REV3L: variants seen among roughly 807,000 people sequenced by gnomAD.
The protein encoded by REV3L is DNA polymerase zeta catalytic subunit.
REV3L carries 69 observed loss-of-function variants against 299.4 expected under a neutral mutation model. That is an observed-to-expected ratio of 0.23 (90% confidence interval 0.19 to 0.28). The LOEUF (loss-of-function observed/expected upper bound fraction) is 0.28, where lower values mean the gene tolerates loss of function less well. Ranked by LOEUF, REV3L falls within the 10% of genes least tolerant of loss-of-function variation. The pLI, the probability that REV3L is intolerant of heterozygous loss-of-function variation, is 1.00. For missense variants in REV3L, 3,128 were observed against 3,693.8 expected (o/e 0.85, Z 3.97); for synonymous variants, 1,238 against 1,271.4 (o/e 0.97, Z 0.56).
rs58366929 is a variant in REV3L, at chr6:111,303,701, C to CTTTT, written c.9253-3549_9253-3546dup. Among the ~76,000 whole-genome samples the CTTTT allele has an allele frequency of 1.5e-3, 19 of 12,640 alleles. 3 individuals carry two copies. The highest frequency in any genetic ancestry group is 1.6e-3 in the Admixed American group (1 of 626). 8.3% of individuals were successfully genotyped at this position (12,640 alleles called of 152,430 possible). ...TTTTTTTTTTTTTAACAGACTATGA[C>CTTTT]TTTTTTTTTTTTTTTTTTTTTTTTT... On this transcript the variant is annotated intron_variant, in intron 31 of 31. Transcript: ENST00000368802.
intron 1 of REV3L, among the ~76,000 whole-genome samples, chr6:111,445,941 T>C (rs567677217): frequency 3.3e-5 from 5 of 152,202 alleles, no homozygotes; most frequent in East Asian, 1.9e-4. Flanking sequence ...GGCTGAAATA[T>C]AAGATTCATG....
chr6:111,363,695 G>A (rs1460422789), intron 16 of REV3L, among the ~76,000 whole-genome samples, 158 bp downstream of exon 16: 1 of 152,046 alleles, frequency 6.6e-6, no homozygotes, highest in African/African-American at 2.4e-5. Flanking sequence ...ACATAAACAT[G>A]TAAATATACA....
At chr6:111,306,993 T>A (rs1474487157) in intron 31 of REV3L, among the ~76,000 whole-genome samples, 4 of 151,686 alleles carry the variant, frequency 2.6e-5, no homozygotes, top group African/African-American at 9.7e-5. Context: ...AATGCTCTCA[T>A]GAGCATTCCC....
rs1582735100 is a variant in REV3L at position 111,372,873 on chromosome 6, C to T, written c.5482G>A (p.Glu1828Lys). ...TCTTCACAGGCCACGTCTACAAGTT[C>T]ACCATCAGGGGAGGAGAGTATTGCA... The part of the protein sequence containing the change: ...FTAILSSPDG[E>K]LVDVACEDLE... Residue 1828 changes from glutamate to lysine, a missense_variant, in exon 13 of 32, where the codon GAA becomes AAA. Coordinates refer to ENST00000368802, the MANE Select transcript of REV3L (RefSeq NM_001372078.1). 1 of 1,613,996 alleles carries T rather than the reference C, an allele frequency of 6.2e-7. No individual in the cohort carries two copies. The highest frequency in any genetic ancestry group is 8.5e-7 in the Non-Finnish European group (1 of 1,180,014).
At chr6:111,478,216 C>T (rs1057316460) in intron 1 of REV3L, among the ~76,000 whole-genome samples, 2 of 152,158 alleles carry the variant, frequency 1.3e-5, no homozygotes, top group African/African-American at 2.4e-5. Context: ...TAGAACATGT[C>T]TCCCAATGAA....
At chr6:111,318,629 T>A (rs1017053437) in intron 26 of REV3L, among the ~76,000 whole-genome samples, 2 of 152,130 alleles carry the variant, frequency 1.3e-5, no homozygotes, top group Admixed American at 6.5e-5. Context: ...TGGAGTGCAA[T>A]GGCGTGATCT....
At position 111,376,055 on chromosome 6, in the gene REV3L, C is replaced by T; in HGVS notation, c.2300G>A (p.Ser767Asn). Residue 767 changes from serine to asparagine, a missense_variant, in exon 13 of 32, where the codon AGT becomes AAT. By Grantham distance (46) the Ser-to-Asn change is conservative (BLOSUM62 1). Transcript: ENST00000368802. ...VHSLNSTADE[S>N]GLNKLKIRYE... Reference sequence around the variant, plus strand: ...CCTAATTTTAAGTTTATTTAGTCCACTTTCATCAGCAGTGCTATTAAGAGA... The same window carrying T: ...CCTAATTTTAAGTTTATTTAGTCCATTTTCATCAGCAGTGCTATTAAGAGA... 1 of 1,613,974 alleles carries T rather than the reference C, an allele frequency of 6.2e-7. No homozygotes were observed. Among genetic ancestry groups the T allele is most frequent in the Non-Finnish European group, 8.5e-7 (1 of 1,179,920 alleles).
intron 2 of REV3L, among the ~76,000 whole-genome samples, chr6:111,415,196 C>G (rs539586495): frequency 3.3e-5 from 5 of 152,242 alleles, no homozygotes; most frequent in African/African-American, 1.2e-4. Context: ...AATTGCTGGG[C>G]CCCAAGAATG....
At chr6:111,483,237 G>A, upstream of REV3L, 2 of 476,026 alleles carry the variant, frequency 4.2e-6, no homozygotes, top group Non-Finnish European at 7.3e-6. Context: ...CCACTGGGGG[G>A]AGGGGAGAGG....
At chr6:111,337,059 C>A (rs1367466469) in intron 21 of REV3L, among the ~76,000 whole-genome samples, 6 of 124,792 alleles carry the variant, frequency 4.8e-5, no homozygotes, top group Admixed American at 3.7e-4. Flanking sequence ...TTGTCTAAGG[C>A]AAGAGGTAGA....
At chr6:111,390,661 C>T (rs1297501091) in intron 5 of REV3L, among the ~76,000 whole-genome samples, 1 of 152,124 alleles carries the variant, frequency 6.6e-6, no homozygotes, top group Non-Finnish European at 1.5e-5. Context: ...TCTTCCTGCC[C>T]TCAACTACTG....
intron 1 of REV3L, among the ~76,000 whole-genome samples, chr6:111,433,412 A>G (rs1787180972): frequency 6.6e-6 from 1 of 152,134 alleles, no homozygotes; most frequent in Non-Finnish European, 1.5e-5. Context: ...AGAGGCTAAT[A>G]TATGAGAGAC....
intron 22 of REV3L, 90 bp downstream of exon 22, chr6:111,335,377 CAG>C (rs1309131996): frequency 5.8e-6 from 8 of 1,382,588 alleles, no homozygotes; most frequent in Middle Eastern, 1.9e-4. Flanking sequence ...TGGTACCAAA[CAG>C]AAAGTTTAAA....
At chr6:111,332,457 G>C (rs766183834) in intron 23 of REV3L, among the ~76,000 whole-genome samples, 1 of 152,080 alleles carries the variant, frequency 6.6e-6, no homozygotes, top group Non-Finnish European at 1.5e-5. Context: ...ACCTTAAATA[G>C]AAATACTGTA....
At chr6:111,483,251 G>A (rs978862113), upstream of REV3L, 18 of 484,656 alleles carry the variant, frequency 3.7e-5, no homozygotes, top group South Asian at 5.4e-4. Flanking sequence ...GGAGAGGGGG[G>A]TGTGTGTGGC....
intron 11 of REV3L, among the ~76,000 whole-genome samples, chr6:111,378,595 C>T (rs1780535474): frequency 6.6e-6 from 1 of 152,158 alleles, no homozygotes; most frequent in Non-Finnish European, 1.5e-5. Context: ...GACACAATCT[C>T]TGTTTTTACA....
chr6:111,449,483 C>T (rs1323362032), intron 1 of REV3L, among the ~76,000 whole-genome samples: 1 of 152,062 alleles, frequency 6.6e-6, no homozygotes, highest in Non-Finnish European at 1.5e-5. Context: ...GAGGAATGTA[C>T]CTAAAGCAGA....
intron 1 of REV3L, among the ~76,000 whole-genome samples, chr6:111,459,056 A>C (rs1265799525): frequency 1.3e-5 from 2 of 152,150 alleles, no homozygotes; most frequent in African/African-American, 4.8e-5. Context: ...CAGTAACCAA[A>C]ACAGCACAGT....
At position 111,416,487 on chromosome 6, in the gene REV3L, A is replaced by G; in HGVS notation, c.140-15T>C. ...TGTCTTCTGACCTAAAATGTAACAC[A>G]TTATAAAGTTTAGTTTCCAGACACA... On this transcript the variant is annotated splice_polypyrimidine_tract_variant and intron_variant, in intron 1 of 31. Coordinates refer to ENST00000368802, the MANE Select transcript of REV3L (RefSeq NM_001372078.1). The G allele has an allele frequency of 6.3e-7, 1 of 1,595,048 alleles. No homozygotes were observed. Among genetic ancestry groups the G allele is most frequent in the Non-Finnish European group, 8.6e-7 (1 of 1,166,432 alleles).
Sources: allele counts gnomAD v4.1 joint callset (sites outside exome capture counted in the v4.1 genomes callset), GRCh38; gene constraint gnomAD v4.1.1; transcripts MANE v1.5; gene names NCBI Gene and HGNC (gene_info 2026-07-23, HGNC 2026-07-21).